ANO2: variants seen among roughly 807,000 people sequenced by gnomAD.
The protein encoded by ANO2 is anoctamin 2.
Under a neutral mutation model 124.2 loss-of-function variants are expected in ANO2, and 101 were observed. The observed-to-expected ratio is 0.81, with a 90% CI of 0.69 to 0.96. The LOEUF (loss-of-function observed/expected upper bound fraction) is 0.96. Ranked by LOEUF, ANO2 falls within the 40% of genes least tolerant of loss-of-function variation. The pLI is 0.00. For synonymous variants in ANO2, 486 were observed against 482.5 expected, an observed-to-expected ratio of 1.01 and a Z score of -0.09; for missense variants, 1,293 against 1,274.5, an observed-to-expected ratio of 1.01 and a Z score of -0.22.
chr12:5,706,898 C>A (rs1949631248), intron 14 of ANO2, among the ~76,000 whole-genome samples: 1 of 152,232 alleles, frequency 6.6e-6, no homozygotes, highest in African/African-American at 2.4e-5. Context: ...TAATTCACAG[C>A]CAATGCTCAT....
intron 1 of ANO2, among the ~76,000 whole-genome samples, chr12:5,930,063 G>A (rs1942287478): frequency 8.5e-6 from 1 of 117,740 alleles, no homozygotes; most frequent in Non-Finnish European, 1.9e-5. Flanking sequence ...TTCCTTACTA[G>A]TCTACCTTCT....
At chr12:5,844,823 T>C (rs1048733216) in intron 4 of ANO2, among the ~76,000 whole-genome samples, 1 of 140,118 alleles carries the variant, frequency 7.1e-6, no homozygotes, top group South Asian at 2.5e-4. Flanking sequence ...CTGAAAAAAA[T>C]TGAACCAGTT....
At chr12:5,917,109 G>A (rs1941426534) in intron 3 of ANO2, among the ~76,000 whole-genome samples, 3 of 152,192 alleles carry the variant, frequency 2.0e-5, no homozygotes, top group Admixed American at 2.0e-4. Flanking sequence ...TATACAACAG[G>A]AACAACAATC....
intron 16 of ANO2, among the ~76,000 whole-genome samples, chr12:5,625,735 G>A (rs1945365747): frequency 6.6e-6 from 1 of 152,066 alleles, no homozygotes; most frequent in East Asian, 1.9e-4. Context: ...AAGCCTCAAC[G>A]TCAAGGTTGG....
intron 14 of ANO2, among the ~76,000 whole-genome samples, chr12:5,665,537 T>C (rs1299216258): frequency 1.3e-5 from 2 of 152,184 alleles, no homozygotes; most frequent in African/African-American, 4.8e-5. Context: ...CAATGAGCAC[T>C]CCTGTGCTCG....
rs903129779 is a variant in ANO2, at chr12:5,570,324, T to C, written c.2622-4661A>G. Among the ~76,000 whole-genome samples, 3 of 152,296 alleles carry C rather than the reference T, an allele frequency of 2.0e-5. No homozygotes were observed. The South Asian group carries it at 6.2e-4, about 32-fold the overall frequency. On this transcript the variant is annotated intron_variant, in intron 23 of 24. Coordinates refer to ENST00000682330, the MANE Select transcript of ANO2 (RefSeq NM_001364791.2). ...GAACATTCACCCGTAAGTATCACCC[T>C]ATTACTGTTGGAAGGATGCCTGGGG...
intron 14 of ANO2, among the ~76,000 whole-genome samples, chr12:5,727,093 C>T (rs1189067390): frequency 1.3e-5 from 2 of 152,196 alleles, no homozygotes; most frequent in Non-Finnish European, 1.5e-5. Context: ...TGTTCCCACC[C>T]AAATCTCATG....
chr12:5,876,635 G>A (rs1352271995), intron 3 of ANO2, among the ~76,000 whole-genome samples: 1 of 152,156 alleles, frequency 6.6e-6, no homozygotes, highest in Non-Finnish European at 1.5e-5. Flanking sequence ...ATACACCATG[G>A]AACACTATGC....
intron 14 of ANO2, 117 bp downstream of exon 14, chr12:5,732,403 T>C (rs929190510): frequency 3.9e-6 from 3 of 765,016 alleles, no homozygotes; most frequent in Non-Finnish European, 6.3e-6. Context: ...CATCTCATCC[T>C]GCCCCACATC....
intron 10 of ANO2, among the ~76,000 whole-genome samples, chr12:5,766,008 C>G (rs1247992930): frequency 6.6e-6 from 1 of 152,196 alleles, no homozygotes; most frequent in Non-Finnish European, 1.5e-5. Context: ...TGCAGTATCT[C>G]TACACACCCA....
At chr12:5,873,969 A>G (rs948862451) in intron 3 of ANO2, among the ~76,000 whole-genome samples, 1 of 152,018 alleles carries the variant, frequency 6.6e-6, no homozygotes, top group Non-Finnish European at 1.5e-5. Context: ...AGAAGCCCAG[A>G]CCTCCCATCT....
chr12:5,945,260 G>C (rs1393141868), upstream of ANO2: 1 of 1,278,744 alleles, frequency 7.8e-7, no homozygotes, highest in African/African-American at 1.5e-5. Flanking sequence ...GCGCGCTTCT[G>C]GGCAGGCTTA....
intron 1 of ANO2, among the ~76,000 whole-genome samples, chr12:5,942,907 G>C (rs900208749): frequency 3.9e-5 from 6 of 152,166 alleles, no homozygotes. Flanking sequence ...AAACCACAAT[G>C]AGATAACCCA....
intron 14 of ANO2, among the ~76,000 whole-genome samples, chr12:5,714,199 A>G (rs1350128258): frequency 2.0e-5 from 3 of 152,250 alleles, no homozygotes; most frequent in Admixed American, 2.0e-4. Context: ...TGAAGGACAC[A>G]GAATCATTTT....
chr12:5,770,700 A>C (rs1174445343), intron 10 of ANO2, among the ~76,000 whole-genome samples: 1 of 152,152 alleles, frequency 6.6e-6, no homozygotes, highest in African/African-American at 2.4e-5. Context: ...CTTCTGTCAG[A>C]TTCTTTCTTC....
intron 10 of ANO2, among the ~76,000 whole-genome samples, chr12:5,780,256 G>C (rs147282144): frequency 7.1e-4 from 108 of 152,274 alleles, no homozygotes; most frequent in African/African-American, 2.5e-3. Flanking sequence ...AAATGTGGCA[G>C]ATGTGAACAA....
intron 14 of ANO2, among the ~76,000 whole-genome samples, chr12:5,686,135 TC>T (rs1948696859): frequency 1.3e-5 from 2 of 152,138 alleles, no homozygotes; most frequent in Non-Finnish European, 2.9e-5. Flanking sequence ...CGGGTAGCTC[TC>T]GAGAACAGTA....
At chr12:5,764,811 A>G (rs1210740405) in intron 10 of ANO2, among the ~76,000 whole-genome samples, 1 of 151,406 alleles carries the variant, frequency 6.6e-6, no homozygotes, top group African/African-American at 2.4e-5. Flanking sequence ...CACTCTCTCC[A>G]CTCACACAAT....
At chr12:5,651,579 G>A (rs1260673860) in intron 14 of ANO2, among the ~76,000 whole-genome samples, 1 of 151,988 alleles carries the variant, frequency 6.6e-6, no homozygotes, top group Non-Finnish European at 1.5e-5. Context: ...GGACACCACA[G>A]CTGGCTTCAT....
Sources: gnomAD v4.1 joint callset for allele counts (sites outside exome capture counted in the v4.1 genomes callset) on GRCh38, gnomAD v4.1.1 for gene constraint, MANE v1.5 for transcripts, NCBI Gene and HGNC (gene_info 2026-07-23, HGNC 2026-07-21) for gene names.